Variants in UBE3B observed in about 807,000 individuals in gnomAD.
The protein encoded by UBE3B is ubiquitin-protein ligase E3B.
UBE3B carries 80 observed loss-of-function variants against 132.3 expected under a neutral mutation model. The observed-to-expected ratio is 0.60, with a 90% confidence interval of 0.50 to 0.73. The LOEUF (loss-of-function observed/expected upper bound fraction) is 0.73, where lower values mean the gene tolerates loss of function less well. Ranked by LOEUF, UBE3B falls within the 30% of genes least tolerant of loss-of-function variation. The pLI is 0.00. For synonymous variants in UBE3B, 487 were observed against 520.4 expected (o/e 0.94, Z 0.87); for missense variants, 1,196 against 1,362.5 (o/e 0.88, Z 1.92).
chr12:109,540,367 C>G (rs750913398), downstream of UBE3B, among the ~76,000 whole-genome samples: 2 of 152,194 alleles, frequency 1.3e-5, no homozygotes, highest in Non-Finnish European at 2.9e-5. Flanking sequence ...ATCACCACAA[C>G]CGGCTAGTTT....
chr12:109,539,712 T>C (rs1883569561), downstream of UBE3B, among the ~76,000 whole-genome samples: 1 of 152,176 alleles, frequency 6.6e-6, no homozygotes, highest in African/African-American at 2.4e-5. Context: ...AGTTTGTTTT[T>C]GAAACTCCTT....
chr12:109,512,749 G>A (rs1490495469), intron 18 of UBE3B, among the ~76,000 whole-genome samples: 1 of 152,128 alleles, frequency 6.6e-6, no homozygotes, highest in Non-Finnish European at 1.5e-5. Context: ...AAGCAGTGAT[G>A]TGCAAACAAT....
intron 27 of UBE3B, chr12:109,533,916 C>A: frequency 7.5e-7 from 1 of 1,325,498 alleles, no homozygotes; most frequent in Non-Finnish European, 9.9e-7. Flanking sequence ...GGCAGGCAGG[C>A]GCAGACTCGA....
chr12:109,506,658 C>A (rs1246986526), intron 14 of UBE3B, among the ~76,000 whole-genome samples: 1 of 152,216 alleles, frequency 6.6e-6, no homozygotes, highest in Non-Finnish European at 1.5e-5. Flanking sequence ...GCTGCCAAAT[C>A]TGTTTCTTTA....
At chr12:109,513,993 C>T (rs1880682591) in intron 18 of UBE3B, among the ~76,000 whole-genome samples, 1 of 152,182 alleles carries the variant, frequency 6.6e-6, no homozygotes, top group Non-Finnish European at 1.5e-5. Flanking sequence ...GCTCTGTTAC[C>T]ATTATACCAT....
At chr12:109,526,571 T>C in intron 24 of UBE3B, 155 bp downstream of exon 24, 2 of 811,094 alleles carry the variant, frequency 2.5e-6, no homozygotes, top group East Asian at 2.7e-5. Flanking sequence ...TAGGCCAGAA[T>C]TGTATTAAAT....
At chr12:109,495,060 C>A (rs1878000552) in intron 9 of UBE3B, among the ~76,000 whole-genome samples, 2 of 152,232 alleles carry the variant, frequency 1.3e-5, no homozygotes, top group Admixed American at 1.3e-4. Context: ...TTCTTTCTAA[C>A]CTGCAGAAAA....
chr12:109,490,606 A>G (rs1195409897), intron 8 of UBE3B: 3 of 1,534,840 alleles, frequency 2.0e-6, no homozygotes, highest in Admixed American at 2.0e-5. Flanking sequence ...GGAACCTTCT[A>G]CTTCATACCA....
chr12:109,517,705 A>G (rs1027970001), intron 19 of UBE3B, among the ~76,000 whole-genome samples: 1 of 152,092 alleles, frequency 6.6e-6, no homozygotes, highest in Non-Finnish European at 1.5e-5. Flanking sequence ...TTTATTTGCC[A>G]TGTTTGCACT....
At chr12:109,533,789 C>T (rs559769389) in intron 27 of UBE3B, 6 of 879,228 alleles carry the variant, frequency 6.8e-6, no homozygotes, top group Admixed American at 6.1e-5. Context: ...CTCTTTCCTT[C>T]CTCAGGGAAG....
At chr12:109,529,831 G>T (rs1460388628) in intron 24 of UBE3B, 59 bp from the exon 25 acceptor site, 8 of 1,592,052 alleles carry the variant, frequency 5.0e-6, no homozygotes, top group Non-Finnish European at 6.9e-6. Context: ...TCAGCCCATT[G>T]GTGACAGCCT....
chr12:109,516,111 A>G (rs1881001028), intron 18 of UBE3B, among the ~76,000 whole-genome samples: 1 of 151,360 alleles, frequency 6.6e-6, no homozygotes, highest in African/African-American at 2.4e-5. Flanking sequence ...TCTGCCACCA[A>G]GTTTTTATAG....
At chr12:109,543,704 G>T in the UBE3B span, among the ~76,000 whole-genome samples, 18 of 152,270 alleles carry the variant, frequency 1.2e-4, no homozygotes, top group Non-Finnish European at 1.9e-4. Context: ...ATGGTGGCAG[G>T]CACCTGTAGT....
chr12:109,517,210 A>C (rs1349727792), intron 19 of UBE3B, among the ~76,000 whole-genome samples: 1 of 152,202 alleles, frequency 6.6e-6, no homozygotes, highest in Admixed American at 6.5e-5. Context: ...TAACACTCTC[A>C]GGTCTGTGCA....
intron 15 of UBE3B, chr12:109,508,333 C>A: frequency 4.9e-6 from 1 of 205,282 alleles, no homozygotes; most frequent in Non-Finnish European, 8.6e-6. Context: ...CTCTTTGAGT[C>A]TCTATTTCCT....
At chr12:109,479,306 A>G (rs896241519) in intron 1 of UBE3B, among the ~76,000 whole-genome samples, 2 of 152,234 alleles carry the variant, frequency 1.3e-5, no homozygotes, top group Non-Finnish European at 2.9e-5. Context: ...TAGATATCCT[A>G]TATTAATATT....
In UBE3B at chr12:109,530,040, CGACAATGCTGAGATTGATCTGGAA is replaced by C; in HGVS notation, c.2781_2804del (p.Asn928_Asp935del). ...CTGAACTGCAGCGTCTCATCTCTGG[CGACAATGCTGAGATTGATCTGGAA>C]GATTTAAAGTAAGAGGCGGGTGGGG... On this transcript the variant is annotated inframe_deletion, in exon 25 of 28. Coordinates refer to ENST00000342494, the MANE Select transcript of UBE3B (RefSeq NM_130466.4). 1 of 1,613,486 alleles carries C rather than the reference CGACAATGCTGAGATTGATCTGGAA, an allele frequency of 6.2e-7. No individual in the cohort carries two copies. The highest frequency in any genetic ancestry group is 2.2e-5 in the East Asian group (1 of 44,858).
rs1877899241 is a variant in UBE3B, at chr12:109,494,375, A to G, written c.713+3248A>G. ...TTCCCAAACTTGCCCTGTTCCTCAC[A>G]CTGCCGTGGCATTGATTTTCTGGAC... On this transcript the variant is annotated intron_variant, in intron 9 of 27. Coordinates refer to ENST00000342494, the MANE Select transcript of UBE3B (RefSeq NM_130466.4). 2.6e-5 allele frequency among the ~76,000 whole-genome samples: 4 copies of G among 152,212 alleles called. No individual in the cohort carries two copies. The South Asian group carries it at 8.3e-4, about 32-fold the overall frequency.
rs1883387350 is a variant in UBE3B, at chr12:109,535,889, C to T, written c.*1107C>T. ...TCATTCTTTACCTTTGTTGTAAGAA[C>T]TTTAGCTCCAGGGAACTGAGGCAGA... On this transcript the variant is annotated 3_prime_UTR_variant, in exon 28 of 28. Transcript: ENST00000342494. The T allele has an allele frequency of 6.6e-6, 1 of 152,126 alleles. No homozygotes were observed. Among genetic ancestry groups the T allele is most frequent in the African/African-American group, 2.4e-5 (1 of 41,406 alleles). The allele number at this position is 152,126 out of a possible 1,614,324, so 9.4% of individuals were successfully genotyped here.
Sources: allele counts gnomAD v4.1 joint callset (sites outside exome capture counted in the v4.1 genomes callset), GRCh38; gene constraint gnomAD v4.1.1; transcripts MANE v1.5; gene names NCBI Gene and HGNC (gene_info 2026-07-23, HGNC 2026-07-21).